Variants in NOD1 observed in about 807,000 individuals in gnomAD.
NOD1 encodes the protein nucleotide binding oligomerization domain containing 1, also known as nucleotide-binding oligomerization domain-containing protein 1.
NOD1 carries 70 observed loss-of-function variants against 81.2 expected under a neutral mutation model. The ratio of observed to expected loss-of-function variants is 0.86; its 90% CI spans 0.71 to 1.05. The LOEUF (loss-of-function observed/expected upper bound fraction) is 1.05. Ranked by LOEUF, NOD1 falls within the 50% of genes least tolerant of loss-of-function variation. The pLI, the probability that NOD1 is intolerant of heterozygous loss-of-function variation, is 0.00. For missense variants in NOD1, 1,233 were observed against 1,228.0 expected (o/e 1.00, Z -0.06); for synonymous variants, 508 against 526.9 (o/e 0.96, Z 0.49).
chr7:30,463,610 C>T (rs1787379825), intron 1 of NOD1: 1 of 152,630 alleles, frequency 6.6e-6, no homozygotes, highest in Admixed American at 6.5e-5. Flanking sequence ...CACACTCACT[C>T]AGTGTCACTT....
At chr7:30,449,958 C>T (rs954097858) in intron 6 of NOD1, among the ~76,000 whole-genome samples, 19 of 152,088 alleles carry the variant, frequency 1.2e-4, no homozygotes, top group African/African-American at 3.1e-4. Flanking sequence ...TTTGGAAGGC[C>T]GAGGCGGGCG....
chr7:30,470,491 A>G (rs1393559742), intron 1 of NOD1, among the ~76,000 whole-genome samples: 1 of 152,252 alleles, frequency 6.6e-6, no homozygotes, highest in Non-Finnish European at 1.5e-5. Flanking sequence ...CATCATGTCC[A>G]CTGATACGTG....
intron 1 of NOD1, among the ~76,000 whole-genome samples, chr7:30,462,232 AGAGT>A (rs1020858670): frequency 9.2e-5 from 14 of 152,334 alleles, no homozygotes; most frequent in Admixed American, 4.6e-4. Flanking sequence ...GCAAAGATAG[AGAGT>A]AAGATACAAA....
intron 5 of NOD1, among the ~76,000 whole-genome samples, chr7:30,454,273 G>A (rs554602865): frequency 5.1e-4 from 78 of 152,350 alleles, no homozygotes; most frequent in South Asian, 1.2e-3. Flanking sequence ...TCTCAAAGTG[G>A]AGAGTTCAAA....
intron 3 of NOD1, among the ~76,000 whole-genome samples, chr7:30,458,741 T>C (rs1214667564): frequency 1.3e-5 from 1 of 78,288 alleles, no homozygotes; most frequent in Non-Finnish European, 2.7e-5. Flanking sequence ...CAGCCTTTTC[T>C]TTTTTTTTTT....
chr7:30,445,756 C>CAAAAA (rs35669955), intron 9 of NOD1, among the ~76,000 whole-genome samples: 13 of 36,078 alleles, frequency 3.6e-4, no homozygotes, highest in African/African-American at 1.2e-3. Flanking sequence ...GAGACTCTGT[C>CAAAAA]AAAAAAAAAA....
In NOD1 at chr7:30,447,038, G is replaced by A. The variant is rs1374170344; in HGVS notation, c.2298C>T (p.Asn766=). The part of the protein sequence containing the change: ...KIVTYLGLYN[N]QITDVGARYV... ...ACCTGGCTCCGACATCGGTGATCTG[G>A]TTGTTGTATAAACTTCAAGAGAAAG... Residue 766 remains asparagine, a synonymous_variant, in exon 8 of 14, where the codon AAC becomes AAT. Transcript: ENST00000222823. 2 of 1,613,968 alleles carry A rather than the reference G, an allele frequency of 1.2e-6. No homozygotes were observed. The highest frequency in any genetic ancestry group is 2.2e-5 in the East Asian group (1 of 44,896).
At chr7:30,439,494 CG>C (rs1425362057) in intron 9 of NOD1, among the ~76,000 whole-genome samples, 1 of 134,044 alleles carries the variant, frequency 7.5e-6, no homozygotes, top group African/African-American at 3.3e-5. Flanking sequence ...AAAGGGGTGA[CG>C]GACGCACCTG....
At chr7:30,449,934 T>C (rs1443645482) in intron 6 of NOD1, among the ~76,000 whole-genome samples, 1 of 152,236 alleles carries the variant, frequency 6.6e-6, no homozygotes, top group Non-Finnish European at 1.5e-5. Flanking sequence ...GGCTCATGCC[T>C]GTAACCCCAA....
At chr7:30,438,798 A>G (rs1249941740) in intron 9 of NOD1, among the ~76,000 whole-genome samples, 1 of 152,250 alleles carries the variant, frequency 6.6e-6, no homozygotes, top group Non-Finnish European at 1.5e-5. Flanking sequence ...TATAGTATAG[A>G]TACATATAGT....
At chr7:30,435,040 G>A (rs1379703979) in intron 11 of NOD1, among the ~76,000 whole-genome samples, 1 of 151,936 alleles carries the variant, frequency 6.6e-6, no homozygotes, top group African/African-American at 2.4e-5. Flanking sequence ...CAAAGTACTG[G>A]GATTACAGAT....
intron 3 of NOD1, among the ~76,000 whole-genome samples, chr7:30,458,385 T>C (rs945000792): frequency 6.6e-6 from 1 of 152,156 alleles, no homozygotes; most frequent in Non-Finnish European, 1.5e-5. Flanking sequence ...AAAAAGGTTT[T>C]TTTGTAGTTC....
intron 7 of NOD1, 70 bp downstream of exon 7, chr7:30,448,228 G>A: frequency 7.9e-7 from 1 of 1,267,234 alleles, no homozygotes; most frequent in Non-Finnish European, 1.2e-6. Flanking sequence ...GGGACCTATG[G>A]GAATGTGAAT....
chr7:30,455,684 C>T (rs1307768291), intron 4 of NOD1, among the ~76,000 whole-genome samples: 1 of 151,926 alleles, frequency 6.6e-6, no homozygotes, highest in Non-Finnish European at 1.5e-5. Context: ...TCACTGCAAC[C>T]TCCACCTCCC....
chr7:30,473,417 C>T (rs1201501687), intron 1 of NOD1, among the ~76,000 whole-genome samples: 1 of 152,222 alleles, frequency 6.6e-6, no homozygotes, highest in Non-Finnish European at 1.5e-5. Context: ...GTCTTCCAAA[C>T]ACCCCCCACA....
intron 1 of NOD1, among the ~76,000 whole-genome samples, chr7:30,469,443 T>A (rs1013417266): frequency 6.6e-6 from 1 of 152,106 alleles, no homozygotes; most frequent in Non-Finnish European, 1.5e-5. Flanking sequence ...CTGTCTCTCA[T>A]ACAAAGTACC....
At chr7:30,448,036 C>T (rs1310104956) in intron 7 of NOD1, 3 of 466,944 alleles carry the variant, frequency 6.4e-6, no homozygotes, top group Admixed American at 3.6e-5. Context: ...CTTATATTCT[C>T]GTTGCATCCC....
At chr7:30,474,600 C>A (rs926420950) in intron 1 of NOD1, among the ~76,000 whole-genome samples, 1 of 152,248 alleles carries the variant, frequency 6.6e-6, no homozygotes, top group African/African-American at 2.4e-5. Context: ...TAGGGTTCCC[C>A]TCGCATGAGA....
intron 11 of NOD1, among the ~76,000 whole-genome samples, chr7:30,434,766 A>G (rs1188312932): frequency 6.6e-6 from 1 of 152,202 alleles, no homozygotes; most frequent in East Asian, 1.9e-4. Context: ...TGTTGAGGGG[A>G]AAGAATTTAA....
Sources: gnomAD v4.1 joint callset for allele counts (sites outside exome capture counted in the v4.1 genomes callset) on GRCh38, gnomAD v4.1.1 for gene constraint, MANE v1.5 for transcripts, NCBI Gene and HGNC (gene_info 2026-07-23, HGNC 2026-07-21) for gene names.